SCRG1: variants seen among roughly 807,000 people sequenced by gnomAD.
SCRG1 encodes the protein stimulator of chondrogenesis 1.
In SCRG1, 3 loss-of-function variants were observed where a neutral mutation model predicts 7.7. The ratio of observed to expected loss-of-function variants is 0.39; its 90% CI spans 0.18 to 1.01. The LOEUF is 1.01. Ranked by LOEUF, SCRG1 falls within the 50% of genes least tolerant of loss-of-function variation. The pLI is 0.36. For synonymous variants in SCRG1, 46 were observed against 41.2 expected (o/e 1.12, Z -0.44); for missense variants, 110 against 117.2 (o/e 0.94, Z 0.28).
chr4:173,492,107 G>C, the SCRG1 span, among the ~76,000 whole-genome samples: 1 of 152,090 alleles, frequency 6.6e-6, no homozygotes, highest in Non-Finnish European at 1.5e-5. Flanking sequence ...TCCAGCCTGG[G>C]TGACAGAGTG....
At chr4:173,481,235 C>G in the SCRG1 span, among the ~76,000 whole-genome samples, 1 of 152,082 alleles carries the variant, frequency 6.6e-6, no homozygotes, top group Non-Finnish European at 1.5e-5. Flanking sequence ...GTAACAGTGT[C>G]TGGTGTTTAT....
chr4:173,428,935 T>G, the SCRG1 span, among the ~76,000 whole-genome samples: 1 of 152,234 alleles, frequency 6.6e-6, no homozygotes, highest in Admixed American at 6.5e-5. Flanking sequence ...AATTTTTTTC[T>G]AAATAATCCC....
chr4:173,429,746 A>C, the SCRG1 span, among the ~76,000 whole-genome samples: 7 of 152,230 alleles, frequency 4.6e-5, no homozygotes, highest in Non-Finnish European at 8.8e-5. Context: ...TAAGTCTATA[A>C]GGAATCAAAC....
chr4:173,504,859 T>G, the SCRG1 span, among the ~76,000 whole-genome samples: 1 of 152,148 alleles, frequency 6.6e-6, no homozygotes, highest in Non-Finnish European at 1.5e-5. The surrounding 1 kb of genome is among the most constrained non-coding windows in gnomAD (Gnocchi z 4.7). Flanking sequence ...TGGAATGTGG[T>G]GCCCTAGCCA....
chr4:173,484,121 C>CAATATAT, the SCRG1 span, among the ~76,000 whole-genome samples: 1,977 of 45,836 alleles, frequency 0.043, 42 homozygotes, highest in Non-Finnish European at 0.062. Context: ...ATATAATATA[C>CAATATAT]AATATATAAT....
chr4:173,438,842 G>A, the SCRG1 span, among the ~76,000 whole-genome samples: 1 of 151,846 alleles, frequency 6.6e-6, no homozygotes, highest in South Asian at 2.1e-4. Flanking sequence ...ATAAAAAATT[G>A]AGATGTTGTA....
At chr4:173,484,791 C>T in the SCRG1 span, among the ~76,000 whole-genome samples, 29 of 79,656 alleles carry the variant, frequency 3.6e-4, no homozygotes, top group Admixed American at 5.1e-3. Flanking sequence ...ACATGTAATA[C>T]ATATTATATA....
At chr4:173,509,627 C>G in the SCRG1 span, among the ~76,000 whole-genome samples, 1 of 152,170 alleles carries the variant, frequency 6.6e-6, no homozygotes, top group Non-Finnish European at 1.5e-5. The surrounding 1 kb of genome is among the most constrained non-coding windows in gnomAD (Gnocchi z 5.7). Flanking sequence ...CCCCGCGCCG[C>G]TCCCTTCCGT....
At chr4:173,490,325 C>G in the SCRG1 span, among the ~76,000 whole-genome samples, 1 of 152,204 alleles carries the variant, frequency 6.6e-6, no homozygotes, top group African/African-American at 2.4e-5. Flanking sequence ...ACTGACTTTT[C>G]AATAGACCAG....
the SCRG1 span, among the ~76,000 whole-genome samples, chr4:173,445,580 T>A: frequency 5.6e-5 from 1 of 17,754 alleles, no homozygotes; most frequent in Non-Finnish European, 2.2e-4. Context: ...AGACTCCGTC[T>A]CGGAAAAAAA....
the SCRG1 span, among the ~76,000 whole-genome samples, chr4:173,499,708 T>C: frequency 6.6e-6 from 1 of 152,116 alleles, no homozygotes; most frequent in African/African-American, 2.4e-5. The surrounding 1 kb of genome is among the most constrained non-coding windows in gnomAD (Gnocchi z 4.1). Flanking sequence ...AAAGCCTCAT[T>C]GATGGCCTCC....
At chr4:173,481,912 T>A in the SCRG1 span, among the ~76,000 whole-genome samples, 2 of 152,138 alleles carry the variant, frequency 1.3e-5, no homozygotes, top group African/African-American at 4.8e-5. Flanking sequence ...ACTCAGATTT[T>A]TGACTGCAAG....
the SCRG1 span, among the ~76,000 whole-genome samples, chr4:173,414,963 A>G: frequency 6.6e-6 from 1 of 152,238 alleles, no homozygotes; most frequent in African/African-American, 2.4e-5. Flanking sequence ...TCTCCAGAAT[A>G]AGAGGGAAGC....
At chr4:173,515,222 G>A in the SCRG1 span, among the ~76,000 whole-genome samples, 12 of 152,114 alleles carry the variant, frequency 7.9e-5, no homozygotes, top group Non-Finnish European at 1.5e-4. This position sits in a 1 kb window ranked among gnomAD's most constrained non-coding sequence, Gnocchi z 4.6. Flanking sequence ...TTTCCAAGAT[G>A]GCAAGGGATA....
intron 1 of SCRG1, among the ~76,000 whole-genome samples, chr4:173,393,160 A>G (rs1739503689): frequency 6.6e-6 from 1 of 152,008 alleles, no homozygotes; most frequent in Non-Finnish European, 1.5e-5. Flanking sequence ...GTGATTAGGT[A>G]TCTTTTAAAG....
At chr4:173,508,826 C>T in the SCRG1 span, among the ~76,000 whole-genome samples, 1 of 152,094 alleles carries the variant, frequency 6.6e-6, no homozygotes, top group African/African-American at 2.4e-5. The surrounding 1 kb of genome is among the most constrained non-coding windows in gnomAD (Gnocchi z 4.4). Flanking sequence ...CACTCGGGGC[C>T]CGGGAGGCCG....
At chr4:173,505,530 G>T in the SCRG1 span, among the ~76,000 whole-genome samples, 2 of 152,168 alleles carry the variant, frequency 1.3e-5, no homozygotes. This position sits in a 1 kb window ranked among gnomAD's most constrained non-coding sequence, Gnocchi z 4.4. Context: ...TCTGTGCTGG[G>T]ATTCTGTCTT....
the SCRG1 span, among the ~76,000 whole-genome samples, chr4:173,443,887 C>T: frequency 6.6e-6 from 1 of 151,136 alleles, no homozygotes; most frequent in African/African-American, 2.4e-5. Flanking sequence ...ATGTTCAGGA[C>T]CGTGTCATAT....
intron 2 of SCRG1, among the ~76,000 whole-genome samples, chr4:173,388,831 A>G (rs1174448757): frequency 2.0e-5 from 3 of 152,234 alleles, no homozygotes; most frequent in Non-Finnish European, 2.9e-5. Flanking sequence ...CCCTGGTTGA[A>G]AAGATCACAT....
Sources: gnomAD v4.1 joint callset for allele counts (sites outside exome capture counted in the v4.1 genomes callset) on GRCh38, gnomAD v4.1.1 for gene constraint, Gnocchi (gnomAD v3.1) non-coding constraint, MANE v1.5 for transcripts, NCBI Gene and HGNC (gene_info 2026-07-23, HGNC 2026-07-21) for gene names.